The following CCDC134 variants were observed in gnomAD, a reference collection of about 807,000 sequenced individuals.
CCDC134 encodes coiled-coil domain-containing protein 134.
A neutral mutation model predicts 25.6 loss-of-function variants in CCDC134; 27 were observed. The observed-to-expected ratio is 1.05, with a 90% CI of 0.78 to 1.45. CCDC134 has a LOEUF of 1.45. Ranked by LOEUF, CCDC134 falls within the 40% of genes most tolerant of loss-of-function variation. CCDC134 has a pLI of 0.00. For missense variants in CCDC134, 261 were observed against 286.7 expected (o/e 0.91, Z 0.65); for synonymous variants, 110 against 115.0 (o/e 0.96, Z 0.28).
At chr22:41,813,582 A>G in intron 5 of CCDC134, 137 bp downstream of exon 5, 1 of 1,224,538 alleles carries the variant, frequency 8.2e-7, no homozygotes, top group Non-Finnish European at 1.2e-6. Context: ...ATCTTGGGCC[A>G]CAGAGGCCCC....
chr22:41,806,316 A>G (rs905638993), intron 1 of CCDC134, among the ~76,000 whole-genome samples: 3 of 146,714 alleles, frequency 2.0e-5, no homozygotes, highest in Admixed American at 1.4e-4. Flanking sequence ...CCTCCTGGGT[A>G]CAAGCGATTC....
In CCDC134 at chr22:41,821,089, C is replaced by T. The variant is rs117440840; in HGVS notation, c.565-4609C>T. On this transcript the variant is annotated intron_variant, in intron 6 of 6. Transcript: ENST00000255784. ...TTTCCCAGAGGCCACATGAGGAAAG[C>T]GTTAGAAGTAGGGAGGGAGCGATCG... 3.5e-3 allele frequency among the ~76,000 whole-genome samples: 539 copies of T among 152,124 alleles called. 5 individuals are homozygous for T. Among genetic ancestry groups the T allele is most frequent in the Non-Finnish European group, 6.2e-3 (419 of 67,980 alleles).
rs1346283588 is a variant in CCDC134, at chr22:41,829,208, C to T, written c.*3385C>T. On this transcript the variant is annotated 3_prime_UTR_variant, in exon 7 of 7. Transcript: ENST00000255784. ...CTCCTTATTCCAGTCCCACATCTTC[C>T]TCCCCTTCCCCATCACTGTCCTCAG... is the stretch of plus-strand genomic sequence containing the variant. 6.6e-6 allele frequency among the ~76,000 whole-genome samples: 1 copy of T among 152,162 alleles called. No homozygotes were observed.
rs141045159 is a variant in CCDC134 at position 41,830,180 on chromosome 22, A to C, written c.*4357A>C. Among the ~76,000 whole-genome samples the C allele has an allele frequency of 7.1e-3, 1,079 of 152,258 alleles. 12 individuals are homozygous for C. The highest frequency in any genetic ancestry group is 0.024 in the African/African-American group (1,012 of 41,534). Reference sequence around the variant, plus strand: ...CTCCTGCTAGCCAGAGCAAGGTACCACCTGGAAGAGATGTTCAGTTACATG... The same window carrying C: ...CTCCTGCTAGCCAGAGCAAGGTACCCCCTGGAAGAGATGTTCAGTTACATG... On this transcript the variant is annotated 3_prime_UTR_variant, in exon 7 of 7. Coordinates refer to ENST00000255784, the MANE Select transcript of CCDC134 (RefSeq NM_024821.5).
At position 41,816,493 on chromosome 22, in the gene CCDC134, A is replaced by C. The variant is rs532597078; in HGVS notation, c.564+2671A>C. On this transcript the variant is annotated intron_variant, in intron 6 of 6. Transcript: ENST00000255784. ...CATGTGGATGGAAATGAGACACCCA[A>C]CAGTTGGCCATATTGACAGCTGCAG... Among the ~76,000 whole-genome samples the C allele has an allele frequency of 3.3e-5, 5 of 152,330 alleles. No homozygotes were observed. The East Asian group carries it at 9.6e-4, about 29-fold the overall frequency.
intron 6 of CCDC134, among the ~76,000 whole-genome samples, chr22:41,814,792 T>C (rs575470742): frequency 2.0e-5 from 3 of 152,260 alleles, no homozygotes; most frequent in African/African-American, 7.2e-5. Flanking sequence ...GTCAGAGACA[T>C]TGGACTGTAT....
intron 6 of CCDC134, among the ~76,000 whole-genome samples, chr22:41,821,699 C>T (rs559665736): frequency 6.6e-6 from 1 of 152,034 alleles, no homozygotes; most frequent in African/African-American, 2.4e-5. Context: ...CGTGATGAGG[C>T]CAGGGGCTAG....
intron 5 of CCDC134, 65 bp from the exon 6 acceptor site, chr22:41,813,686 A>C: frequency 6.6e-7 from 1 of 1,521,358 alleles, no homozygotes; most frequent in Non-Finnish European, 9.1e-7. Context: ...GCATGGAAGG[A>C]ATGACTCTCT....
At chr22:41,801,818 A>T (rs781325327) in intron 1 of CCDC134, among the ~76,000 whole-genome samples, 4 of 152,194 alleles carry the variant, frequency 2.6e-5, no homozygotes, top group Non-Finnish European at 5.9e-5. Context: ...AATGATGTTT[A>T]CTTGGGAATA....
rs775140796 is a variant in CCDC134, at chr22:41,809,965, A to G, written c.190A>G (p.Lys64Glu). ...GCTGAACGACATCCACCAGCAGTAC[A>G]AGATCCTTGATGTCATGCTCAAGGG... ...AQLNDIHQQY[K>E]ILDVMLKGLF... Residue 64 changes from lysine (K) to glutamate (E), a missense_variant, in exon 3 of 7, where the codon AAG (lysine) becomes GAG (glutamate). Physicochemically the swap from Lys to Glu is moderately conservative, Grantham distance 56. Coordinates refer to ENST00000255784, the MANE Select transcript of CCDC134 (RefSeq NM_024821.5). 13 of 1,614,008 alleles carry G rather than the reference A, an allele frequency of 8.1e-6. No homozygotes were observed. In the East Asian group the frequency reaches 2.2e-4, roughly 28 times the overall value.
chr22:41,827,630 TAAATGG>T lies in CCDC134; in HGVS notation c.*1811_*1816del, dbSNP rs1254656433. Among the ~76,000 whole-genome samples the T allele has an allele frequency of 6.6e-6, 1 of 152,198 alleles. No homozygotes were observed. Among genetic ancestry groups the T allele is most frequent in the Non-Finnish European group, 1.5e-5 (1 of 68,036 alleles). ...TTGGTTACTTGAGGTACACCCTATGTAAATGGAAAGGATGAAGTAAATTTACAAATT... is the reference window on the plus strand; with the variant it reads ...TTGGTTACTTGAGGTACACCCTATGTAAAGGATGAAGTAAATTTACAAATT... On this transcript the variant is annotated 3_prime_UTR_variant, in exon 7 of 7. Coordinates refer to ENST00000255784, the MANE Select transcript of CCDC134 (RefSeq NM_024821.5).
intron 6 of CCDC134, among the ~76,000 whole-genome samples, chr22:41,822,257 G>C (rs780033903): frequency 6.6e-6 from 1 of 152,144 alleles, no homozygotes; most frequent in Non-Finnish European, 1.5e-5. Context: ...ATGCATTTTT[G>C]CAGAGCAGGC....
At chr22:41,809,400 GA>G (rs2076583474) in intron 2 of CCDC134, among the ~76,000 whole-genome samples, 1 of 152,198 alleles carries the variant, frequency 6.6e-6, no homozygotes. Flanking sequence ...CCCAGGGGGA[GA>G]AAGTATCCAA....
In CCDC134 at chr22:41,830,386, G is replaced by A. The variant is rs1166680712; in HGVS notation, c.*4563G>A. 2.6e-5 allele frequency among the ~76,000 whole-genome samples: 4 copies of A among 152,226 alleles called. No homozygotes were observed. Among genetic ancestry groups the A allele is most frequent in the African/African-American group, 7.2e-5 (3 of 41,462 alleles). ...CAGGTGCTGTGTGCCACCTCTGGAG[G>A]GGGTCACTGAGGTTCTGGGTTGTGG... On this transcript the variant is annotated 3_prime_UTR_variant, in exon 7 of 7. Transcript: ENST00000255784.
At chr22:41,813,875 G>T in intron 6 of CCDC134, 53 bp downstream of exon 6, 1 of 1,545,110 alleles carries the variant, frequency 6.5e-7, no homozygotes, top group South Asian at 1.1e-5. Flanking sequence ...TGGGCCATAG[G>T]ACACCGAGGC....
At chr22:41,812,835 C>T (rs978652166) in intron 4 of CCDC134, among the ~76,000 whole-genome samples, 1 of 152,098 alleles carries the variant, frequency 6.6e-6, no homozygotes, top group Non-Finnish European at 1.5e-5. Context: ...GATAACATGT[C>T]GGTGGGGGGG....
In CCDC134 at chr22:41,825,687, C is replaced by G. The variant is rs770132897; in HGVS notation, c.565-11C>G. 6.2e-6 allele frequency: 10 copies of G among 1,614,006 alleles called. No homozygotes were observed. The highest frequency in any genetic ancestry group is 1.6e-4 in the Middle Eastern group (1 of 6,062). On this transcript the variant is annotated splice_polypyrimidine_tract_variant and intron_variant, in intron 6 of 6. Coordinates refer to ENST00000255784, the MANE Select transcript of CCDC134 (RefSeq NM_024821.5). This position sits in a 1 kb window ranked among gnomAD's most constrained non-coding sequence, Gnocchi z 4.4. Reference sequence around the variant, plus strand: ...ACAGACTAAATCAGACTGCTCTTCTCTTCCCTTCAGTTCATTCCCAGCACT... The same window carrying G: ...ACAGACTAAATCAGACTGCTCTTCTGTTCCCTTCAGTTCATTCCCAGCACT...
intron 1 of CCDC134, among the ~76,000 whole-genome samples, chr22:41,803,959 GTC>G (rs1185589202): frequency 6.6e-6 from 1 of 151,470 alleles, no homozygotes; most frequent in Non-Finnish European, 1.5e-5. Flanking sequence ...GTGAAACCCC[GTC>G]TCTACAAAAA....
chr22:41,807,553 C>T (rs1276214172), intron 1 of CCDC134, among the ~76,000 whole-genome samples: 5 of 126,636 alleles, frequency 3.9e-5, no homozygotes, highest in African/African-American at 1.6e-4. Context: ...CAGAGCAGGA[C>T]CCTGTCTCAA....
Sources: gnomAD v4.1 joint callset for allele counts (sites outside exome capture counted in the v4.1 genomes callset) on GRCh38, gnomAD v4.1.1 for gene constraint, Gnocchi (gnomAD v3.1) non-coding constraint, MANE v1.5 for transcripts, NCBI Gene and HGNC (gene_info 2026-07-23, HGNC 2026-07-21) for gene names.